Variants in TRANK1 observed in about 807,000 individuals in gnomAD.
TRANK1 encodes the protein tetratricopeptide repeat and ankyrin repeat containing 1.
In TRANK1, 198 loss-of-function variants were observed where a neutral mutation model predicts 266.0. That is an observed-to-expected ratio of 0.74 (90% CI 0.66 to 0.84). The LOEUF (loss-of-function observed/expected upper bound fraction) is 0.84, where lower values mean the gene tolerates loss of function less well. Ranked by LOEUF, TRANK1 falls within the 40% of genes least tolerant of loss-of-function variation. The probability of loss-of-function intolerance (pLI) is 0.00; values close to 1 mark genes in which losing one functional copy is unlikely to be tolerated. For synonymous variants in TRANK1, 1,396 were observed against 1,384.1 expected (o/e 1.01, Z -0.19); for missense variants, 3,326 against 3,634.6 (o/e 0.92, Z 2.18).
intron 17 of TRANK1, among the ~76,000 whole-genome samples, chr3:36,844,327 A>T (rs1475093794): frequency 6.6e-6 from 1 of 152,172 alleles, no homozygotes; most frequent in Non-Finnish European, 1.5e-5. Flanking sequence ...CCCAGGTTCA[A>T]GCAATTCTCC....
In TRANK1 at chr3:36,846,482, C is replaced by G. The variant is rs4678910; in HGVS notation, c.5035-78G>C. 0.35 allele frequency: 501,595 copies of G among 1,450,658 alleles called. 89,808 individuals are homozygous for G. Among genetic ancestry groups the G allele is most frequent in the African/African-American group, 0.42 (29,642 of 69,872 alleles). The allele number at this position is 1,450,658 out of a possible 1,614,324, so 89.9% of individuals were successfully genotyped here. A position where few individuals can be genotyped will look rare whatever the true frequency, so the allele number is the denominator to read the frequency against. ...AGTGACACACTTCAATGGGCTTACTCTAATTTTGGAAAAACACAAAAACTA... is the reference window on the plus strand; with the variant it reads ...AGTGACACACTTCAATGGGCTTACTGTAATTTTGGAAAAACACAAAAACTA... On this transcript the variant is annotated intron_variant, in intron 16 of 23. Transcript: ENST00000645898.
In TRANK1 at chr3:36,856,167, G is replaced by A. The variant is rs770755358; in HGVS notation, c.3555C>T (p.His1185=). 1 of 1,613,792 alleles carries A rather than the reference G, an allele frequency of 6.2e-7. No individual in the cohort carries two copies. Among genetic ancestry groups the A allele is most frequent in the African/African-American group, 1.3e-5 (1 of 74,870 alleles). The change falls in exon 13 of 24, where the codon CAC becomes CAT. Residue 1185 remains histidine, a synonymous_variant. Transcript: ENST00000645898. ...AAEVCAPEHP[H]QLEHLHQIFV... ...AGATCTGATGTAAATGCTCCAGCTG[G>A]TGGGGATGTTCTGGTGCACATACTT...
Position 36,855,560 on chromosome 3 carries a change from G to A in TRANK1, c.4162C>T (p.Arg1388Trp), listed in dbSNP as rs370350988. The change falls in exon 13 of 24, where the codon CGG becomes TGG. Residue 1388 changes from arginine (R) to tryptophan (W), a missense_variant. Coordinates refer to ENST00000645898, the MANE Select transcript of TRANK1 (RefSeq NM_001329998.2). ...CTGAAGAGGCTGTAGATCTCACTCCGGTCTTCCTTGAAATTGGGGCACCGT... is the reference window on the plus strand; with the variant it reads ...CTGAAGAGGCTGTAGATCTCACTCCAGTCTTCCTTGAAATTGGGGCACCGT... ...RKRCPNFKED[R>W]SEIYSLFSLY... The A allele has an allele frequency of 8.2e-5, 132 of 1,613,492 alleles. No homozygotes were observed. Among genetic ancestry groups the A allele is most frequent in the Non-Finnish European group, 9.7e-5 (115 of 1,179,806 alleles).
At position 36,904,105 on chromosome 3, in the gene TRANK1, A is replaced by G. The variant is rs564087640; in HGVS notation, c.156-830T>C. Among the ~76,000 whole-genome samples, 6 of 151,764 alleles carry G rather than the reference A, an allele frequency of 4.0e-5. No homozygotes were observed. In the East Asian group the frequency reaches 1.2e-3, roughly 30 times the overall value. On this transcript the variant is annotated intron_variant, in intron 2 of 23. Coordinates refer to ENST00000645898, the MANE Select transcript of TRANK1 (RefSeq NM_001329998.2). ...CGAGTAGCTGGGATTACAGGTGCAC[A>G]CCACCACACCCGGCTAATTTTTGTA... is the stretch of plus-strand genomic sequence containing the variant.
intron 1 of TRANK1, among the ~76,000 whole-genome samples, chr3:36,913,393 G>C (rs72619987): frequency 0.14 from 19,700 of 140,868 alleles, 1,976 homozygotes; most frequent in East Asian, 0.56. Flanking sequence ...TTGCCTGTTT[G>C]CTTGCTTGCT....
rs144379943 is a variant in TRANK1, at chr3:36,912,890, T to G, written c.24-4436A>C. The stretch of plus-strand genomic sequence containing the variant: ...TGTTTACTTTTTTATTTTATTTTTT[T>G]GGGGTTTTTTGTTTGCTTGCTTGCT... On this transcript the variant is annotated intron_variant, in intron 1 of 23. Transcript: ENST00000645898. 1.0e-2 allele frequency among the ~76,000 whole-genome samples: 1,517 copies of G among 152,252 alleles called. 22 individuals are homozygous for G. Among genetic ancestry groups the G allele is most frequent in the African/African-American group, 0.033 (1,379 of 41,530 alleles).
intron 1 of TRANK1, among the ~76,000 whole-genome samples, chr3:36,914,326 G>A (rs1327548323): frequency 6.6e-6 from 1 of 151,744 alleles, no homozygotes; most frequent in Admixed American, 6.6e-5. Flanking sequence ...TAGAGACAGG[G>A]TTTTCACCAT....
chr3:36,929,405 C>CG (rs1345346486), intron 1 of TRANK1: 1 of 151,954 alleles, frequency 6.6e-6, no homozygotes, highest in Non-Finnish European at 1.5e-5. Context: ...CGTGAGTGAC[C>CG]GCCACCGGGC....
chr3:36,844,751 C>G (rs1330728365), intron 17 of TRANK1, among the ~76,000 whole-genome samples: 1 of 152,118 alleles, frequency 6.6e-6, no homozygotes, highest in Admixed American at 6.5e-5. Context: ...TCACAATAGT[C>G]AAGTCTTAGG....
intron 9 of TRANK1, among the ~76,000 whole-genome samples, chr3:36,867,212 G>C (rs2079240201): frequency 6.6e-6 from 1 of 151,892 alleles, no homozygotes; most frequent in Admixed American, 6.6e-5. Context: ...AAAAAAATAG[G>C]ACCTTTGGTA....
chr3:36,940,008 A>G (rs1179031851), intron 1 of TRANK1, among the ~76,000 whole-genome samples: 1 of 151,770 alleles, frequency 6.6e-6, no homozygotes, highest in Non-Finnish European at 1.5e-5. Flanking sequence ...CTCCTGCCTC[A>G]GCCTCCCGAG....
Position 36,855,626 on chromosome 3 carries a change from C to A in TRANK1, c.4096G>T (p.Gly1366Trp). ...GSFEALSCPHGRLTEEVYKKL... is the reference protein window; with the variant it reads ...GSFEALSCPHWRLTEEVYKKL... ...TTATATACTTCTTCAGTGAGTCTCC[C>A]ATGGGGACAGCTGAGGGCCTCAAAA... The change falls in exon 13 of 24, where the codon GGG (glycine) becomes TGG (tryptophan). Residue 1366 changes from glycine to tryptophan, a missense_variant. Physicochemically the swap from Gly to Trp is radical, Grantham distance 184. Coordinates refer to ENST00000645898, the MANE Select transcript of TRANK1 (RefSeq NM_001329998.2). The A allele has an allele frequency of 6.2e-6, 10 of 1,613,886 alleles. No homozygotes were observed. The highest frequency in any genetic ancestry group is 8.5e-6 in the Non-Finnish European group (10 of 1,179,860).
chr3:36,837,677 A>G (rs549760268), intron 20 of TRANK1, among the ~76,000 whole-genome samples: 1 of 152,376 alleles, frequency 6.6e-6, no homozygotes, highest in African/African-American at 2.4e-5. Flanking sequence ...GCAATGCCAA[A>G]TGGCAATAAA....
At chr3:36,894,962 C>T (rs1179130118) in intron 5 of TRANK1, among the ~76,000 whole-genome samples, 2 of 152,216 alleles carry the variant, frequency 1.3e-5, no homozygotes, top group Non-Finnish European at 2.9e-5. Context: ...CAATGCCTGG[C>T]ACTGTAAACC....
chr3:36,914,049 C>A (rs1271709720), intron 1 of TRANK1, among the ~76,000 whole-genome samples: 5 of 152,164 alleles, frequency 3.3e-5, no homozygotes, highest in Non-Finnish European at 7.4e-5. Context: ...ACCTAAAAGT[C>A]ATTCTCACAG....
intron 1 of TRANK1, among the ~76,000 whole-genome samples, chr3:36,925,002 C>T (rs574496135): frequency 6.6e-6 from 1 of 152,288 alleles, no homozygotes; most frequent in South Asian, 2.1e-4. Context: ...TGCTAAGGCT[C>T]TCCCTGATGG....
intron 9 of TRANK1, among the ~76,000 whole-genome samples, chr3:36,866,796 G>A (rs1230152048): frequency 1.3e-5 from 2 of 152,160 alleles, no homozygotes; most frequent in Admixed American, 1.3e-4. Flanking sequence ...ATGTCAGGGG[G>A]TACTCAGAAA....
intron 23 of TRANK1, 103 bp from the exon 24 acceptor site, chr3:36,828,478 G>A (rs2078656480): frequency 4.8e-6 from 4 of 826,250 alleles, no homozygotes; most frequent in Admixed American, 2.3e-5. Flanking sequence ...AGGGAGGAAG[G>A]AAGAAAGGAA....
intron 3 of TRANK1, among the ~76,000 whole-genome samples, chr3:36,902,664 T>C (rs113980297): frequency 2.0e-5 from 3 of 152,258 alleles, no homozygotes; most frequent in Non-Finnish European, 4.4e-5. Flanking sequence ...TGGTTTCTAC[T>C]ATAAGAAATG....
Sources: allele counts gnomAD v4.1 joint callset (sites outside exome capture counted in the v4.1 genomes callset), GRCh38; gene constraint gnomAD v4.1.1; transcripts MANE v1.5; gene names NCBI Gene and HGNC (gene_info 2026-07-23, HGNC 2026-07-21).